The following NEGR1 variants were observed in gnomAD, a reference collection of about 807,000 sequenced individuals.
NEGR1 encodes neuronal growth regulator 1.
Under a neutral mutation model 40.9 loss-of-function variants are expected in NEGR1, and 10 were observed. The ratio of observed to expected loss-of-function variants is 0.24; its 90% CI spans 0.15 to 0.42. The LOEUF is 0.42. Among genes scored for constraint, NEGR1 ranks in the 10% least tolerant of loss-of-function variants. NEGR1 has a pLI of 1.00. For synonymous variants in NEGR1, 185 were observed against 166.8 expected, an observed-to-expected ratio of 1.11 and a Z score of -0.84; for missense variants, 352 against 438.9, an observed-to-expected ratio of 0.80 and a Z score of 1.77.
At chr1:71,872,606 G>A (rs894556113) in intron 2 of NEGR1, among the ~76,000 whole-genome samples, 3 of 152,114 alleles carry the variant, frequency 2.0e-5, no homozygotes, top group Non-Finnish European at 2.9e-5. Flanking sequence ...TATTCACCAC[G>A]TTGGACATGC....
chr1:72,203,686 C>T (rs1653294105), intron 1 of NEGR1, among the ~76,000 whole-genome samples: 2 of 152,048 alleles, frequency 1.3e-5, no homozygotes, highest in Non-Finnish European at 1.5e-5. Context: ...CCATCACATG[C>T]TGTGGAAAAA....
chr1:71,949,104 C>G (rs566977481), intron 1 of NEGR1, among the ~76,000 whole-genome samples: 1 of 152,292 alleles, frequency 6.6e-6, no homozygotes, highest in African/African-American at 2.4e-5. Context: ...CCTGTGACTT[C>G]TAGCCTGAGG....
intron 2 of NEGR1, among the ~76,000 whole-genome samples, chr1:71,914,854 A>G (rs1661525406): frequency 6.6e-6 from 1 of 152,086 alleles, no homozygotes; most frequent in Admixed American, 6.5e-5. Context: ...CAGTGTTTCC[A>G]TATAGATACT....
At chr1:71,537,805 G>A (rs1246654009) in intron 6 of NEGR1, among the ~76,000 whole-genome samples, 1 of 151,688 alleles carries the variant, frequency 6.6e-6, no homozygotes, top group Non-Finnish European at 1.5e-5. Context: ...TGGTTTTTGA[G>A]CTCCTGTTTT....
intron 4 of NEGR1, among the ~76,000 whole-genome samples, chr1:71,613,543 G>C (rs1268480373): frequency 6.6e-6 from 1 of 151,944 alleles, no homozygotes; most frequent in Non-Finnish European, 1.5e-5. Flanking sequence ...GCTGAAGCGG[G>C]AGGCTTGGGA....
At chr1:71,859,897 T>C (rs1436947386) in intron 2 of NEGR1, among the ~76,000 whole-genome samples, 1 of 152,084 alleles carries the variant, frequency 6.6e-6, no homozygotes, top group Admixed American at 6.6e-5. Context: ...ATGAGGACAT[T>C]AGCATTAGAG....
rs375726172 is a variant in NEGR1 at position 72,097,618 on chromosome 1, C to T, written c.177-162307G>A. Among the ~76,000 whole-genome samples the T allele has an allele frequency of 6.1e-3, 935 of 152,282 alleles. 13 individuals are homozygous for T. The highest frequency in any genetic ancestry group is 0.022 in the African/African-American group (898 of 41,564). On this transcript the variant is annotated intron_variant, in intron 1 of 6. Coordinates refer to ENST00000357731, the MANE Select transcript of NEGR1 (RefSeq NM_173808.3). Reference sequence around the variant, plus strand: ...ACTAAGCAAAATTTTAGACTGTTTTCTTCTGCCCCCATGCCTTCCCATTTC... The same window carrying T: ...ACTAAGCAAAATTTTAGACTGTTTTTTTCTGCCCCCATGCCTTCCCATTTC...
intron 6 of NEGR1, among the ~76,000 whole-genome samples, chr1:71,459,735 C>A (rs558127591): frequency 6.6e-6 from 1 of 152,198 alleles, no homozygotes; most frequent in Non-Finnish European, 1.5e-5. Context: ...CAAATGATTT[C>A]TTTGCACAAT....
At chr1:71,509,439 A>T (rs1382057130) in intron 6 of NEGR1, among the ~76,000 whole-genome samples, 1 of 152,190 alleles carries the variant, frequency 6.6e-6, no homozygotes, top group Non-Finnish European at 1.5e-5. Context: ...CACATCCGAC[A>T]TGCCACTGGT....
chr1:71,482,689 T>C (rs901409902), intron 6 of NEGR1, among the ~76,000 whole-genome samples: 2 of 151,906 alleles, frequency 1.3e-5, no homozygotes, highest in Admixed American at 6.6e-5. Context: ...TCAAACCGCG[T>C]AAGGCAAATA....
intron 1 of NEGR1, among the ~76,000 whole-genome samples, chr1:72,093,563 A>G (rs1356235753): frequency 6.6e-6 from 1 of 152,178 alleles, no homozygotes; most frequent in Non-Finnish European, 1.5e-5. Context: ...TCAGGTATTT[A>G]TTATTCCAAA....
At chr1:71,491,293 C>T (rs1646926005) in intron 6 of NEGR1, among the ~76,000 whole-genome samples, 1 of 152,014 alleles carries the variant, frequency 6.6e-6, no homozygotes, top group Non-Finnish European at 1.5e-5. Context: ...TACCACTTTA[C>T]ATCAGGGACT....
chr1:72,227,281 G>A (rs564390069), intron 1 of NEGR1, among the ~76,000 whole-genome samples: 13 of 152,106 alleles, frequency 8.5e-5, no homozygotes, highest in South Asian at 2.1e-4. Flanking sequence ...TCAAATAGGC[G>A]GTAGGGAAAG....
At chr1:71,508,296 C>T (rs1235184578) in intron 6 of NEGR1, among the ~76,000 whole-genome samples, 1 of 152,092 alleles carries the variant, frequency 6.6e-6, no homozygotes, top group African/African-American at 2.4e-5. Flanking sequence ...ACTCCCCATA[C>T]TTGAGTCAAG....
chr1:71,968,259 C>A lies in NEGR1; in HGVS notation c.177-32948G>T, dbSNP rs375351784. ...AATGAGAGACACAACCAGCAAGACA[C>A]AGTACCCTGCCAATGTGCATAAAGA... On this transcript the variant is annotated intron_variant, in intron 1 of 6. Transcript: ENST00000357731. Among the ~76,000 whole-genome samples, 3 of 152,142 alleles carry A rather than the reference C, an allele frequency of 2.0e-5. No homozygotes were observed. In the South Asian group the frequency reaches 6.2e-4, roughly 32 times the overall value.
rs551632726 is a variant in NEGR1, at chr1:72,029,296, A to C, written c.177-93985T>G. On this transcript the variant is annotated intron_variant, in intron 1 of 6. Coordinates refer to ENST00000357731, the MANE Select transcript of NEGR1 (RefSeq NM_173808.3). ...GGAGTTCAAGATCAGCCTGGGCAAC[A>C]TAGTGAGACCTGCATCTCTAAAAAA... is the stretch of plus-strand genomic sequence containing the variant. 3.3e-4 allele frequency among the ~76,000 whole-genome samples: 51 copies of C among 152,270 alleles called. 1 individual carries two copies. Among genetic ancestry groups the C allele is most frequent in the African/African-American group, 1.2e-3 (50 of 41,544 alleles).
chr1:71,926,761 G>A (rs752491201), intron 2 of NEGR1, among the ~76,000 whole-genome samples: 4 of 151,876 alleles, frequency 2.6e-5, no homozygotes, highest in Non-Finnish European at 4.4e-5. Context: ...AGAGTAAGAA[G>A]TGCATTATGG....
At chr1:71,483,430 AT>A (rs1449729195) in intron 6 of NEGR1, among the ~76,000 whole-genome samples, 1 of 151,766 alleles carries the variant, frequency 6.6e-6, no homozygotes, top group African/African-American at 2.4e-5. Context: ...CATTTAGGAA[AT>A]AATGGAATAA....
At chr1:71,504,779 G>T (rs955190294) in intron 6 of NEGR1, among the ~76,000 whole-genome samples, 1 of 152,130 alleles carries the variant, frequency 6.6e-6, no homozygotes, top group Admixed American at 6.5e-5. Flanking sequence ...TGATATTGAA[G>T]AAAATGTTAA....
Sources: gnomAD v4.1 joint callset for allele counts (sites outside exome capture counted in the v4.1 genomes callset) on GRCh38, gnomAD v4.1.1 for gene constraint, MANE v1.5 for transcripts, NCBI Gene and HGNC (gene_info 2026-07-23, HGNC 2026-07-21) for gene names.